The following SCNN1G variants were observed in gnomAD, a reference collection of about 807,000 sequenced individuals.
The protein encoded by SCNN1G is sodium channel epithelial 1 subunit gamma, also known as epithelial sodium channel subunit gamma.
Under a neutral mutation model 64.6 loss-of-function variants are expected in SCNN1G, and 27 were observed. The ratio of observed to expected loss-of-function variants is 0.42; its 90% CI spans 0.31 to 0.58. The LOEUF is 0.58. Among genes scored for constraint, SCNN1G ranks in the 20% least tolerant of loss-of-function variants. The pLI, the probability that SCNN1G is intolerant of heterozygous loss-of-function variation, is 0.18. For synonymous variants in SCNN1G, 330 were observed against 314.2 expected (o/e 1.05, Z -0.53); for missense variants, 743 against 823.4 (o/e 0.90, Z 1.19).
intron 11 of SCNN1G, among the ~76,000 whole-genome samples, chr16:23,213,833 A>C (rs1015438852): frequency 1.1e-4 from 17 of 152,252 alleles, no homozygotes; most frequent in African/African-American, 4.1e-4. Context: ...CACTCTAATG[A>C]GAAAATAGAC....
intron 6 of SCNN1G, among the ~76,000 whole-genome samples, chr16:23,203,144 AG>A (rs1447445416): frequency 2.0e-5 from 3 of 152,326 alleles, no homozygotes; most frequent in South Asian, 2.1e-4. Flanking sequence ...ATTTTACAGA[AG>A]GTGTGACCAA....
intron 2 of SCNN1G, among the ~76,000 whole-genome samples, chr16:23,189,007 C>T (rs1959659129): frequency 6.6e-6 from 1 of 152,078 alleles, no homozygotes; most frequent in Non-Finnish European, 1.5e-5. Context: ...AGGTAGACTC[C>T]TGGTTGGCAG....
Position 23,215,429 on chromosome 16 carries a change from C to T in SCNN1G, c.1910C>T (p.Ser637Phe), listed in dbSNP as rs1400293029. The T allele has an allele frequency of 1.2e-6, 2 of 1,613,198 alleles. No homozygotes were observed. The highest frequency in any genetic ancestry group is 8.5e-7 in the Non-Finnish European group (1 of 1,180,020). ...ACCTTGCGCTTGGAGAGGGCCTTTT[C>T]CAACCAGCTCACAGATACCCAGATG... is the stretch of plus-strand genomic sequence containing the variant. ...YNTLRLERAF[S>F]NQLTDTQMLD... Residue 637 changes from serine to phenylalanine, a missense_variant, in exon 13 of 13, where the codon TCC (serine) becomes TTC (phenylalanine). Ser to Phe is a radical substitution (Grantham distance 155). Coordinates refer to ENST00000300061, the MANE Select transcript of SCNN1G (RefSeq NM_001039.4).
rs564819217 is a variant in SCNN1G, at chr16:23,186,614, G to C, written c.317+26G>C. 4.3e-5 allele frequency: 69 copies of C among 1,598,118 alleles called. No individual in the cohort carries two copies. The South Asian group carries it at 6.3e-4, about 15-fold the overall frequency. ...GTAAGAGGCATGAGCAGGGAAACGC[G>C]AGTAGGGAGCCAGGCCCCCCACAGA... On this transcript the variant is annotated intron_variant, in intron 2 of 12. Transcript: ENST00000300061.
intron 7 of SCNN1G, among the ~76,000 whole-genome samples, chr16:23,210,639 G>A (rs3922902): frequency 0.21 from 32,205 of 152,054 alleles, 3,525 homozygotes; most frequent in African/African-American, 0.25. Flanking sequence ...GAGTCCATGA[G>A]AATCATCCCA....
chr16:23,204,380 C>A (rs1959957197), intron 6 of SCNN1G, among the ~76,000 whole-genome samples: 9 of 83,238 alleles, frequency 1.1e-4, no homozygotes, highest in Non-Finnish European at 1.7e-4. Context: ...GAGACTATTA[C>A]TATATATTTT....
intron 4 of SCNN1G, among the ~76,000 whole-genome samples, chr16:23,193,826 T>C (rs1555473766): frequency 6.6e-6 from 1 of 152,170 alleles, no homozygotes; most frequent in Non-Finnish European, 1.5e-5. Context: ...GATTATTTTC[T>C]AGGACTGAGA....
Position 23,187,863 on chromosome 16 carries a change from G to A in SCNN1G, c.317+1275G>A, listed in dbSNP as rs140867156. 6.6e-3 allele frequency among the ~76,000 whole-genome samples: 999 copies of A among 152,232 alleles called. 11 individuals carry two copies. Among genetic ancestry groups the A allele is most frequent in the Non-Finnish European group, 9.8e-3 (667 of 68,010 alleles). On this transcript the variant is annotated intron_variant, in intron 2 of 12. Transcript: ENST00000300061. ...GCAGACTTTGTCAGAGCAGGGGTGG[G>A]GAGAAGGGAAGAAGAACAGGGGAGA...
At chr16:23,186,011 A>C (rs1410739270) in intron 1 of SCNN1G, among the ~76,000 whole-genome samples, 1 of 152,218 alleles carries the variant, frequency 6.6e-6, no homozygotes, top group East Asian at 1.9e-4. Context: ...CCGTAAGAGA[A>C]GTAGGCAGCT....
intron 7 of SCNN1G, 29 bp downstream of exon 7, chr16:23,209,877 TGG>T: frequency 6.6e-7 from 1 of 1,510,982 alleles, no homozygotes; most frequent in Non-Finnish European, 9.2e-7. Context: ...CACCCAGCCC[TGG>T]GTTTATGGCC....
chr16:23,186,251 C>G lies in SCNN1G; in HGVS notation c.-21C>G. The G allele has an allele frequency of 6.2e-7, 1 of 1,613,902 alleles. No individual in the cohort carries two copies. The highest frequency in any genetic ancestry group is 8.5e-7 in the Non-Finnish European group (1 of 1,179,812). On this transcript the variant is annotated 5_prime_UTR_variant, in exon 2 of 13. Coordinates refer to ENST00000300061, the MANE Select transcript of SCNN1G (RefSeq NM_001039.4). ...AGCACGCCCGTCCTCAGAGTCCCGT[C>G]CTCAAAGTCCCATCCTCGCCATGGC...
Position 23,212,726 on chromosome 16 carries a change from G to A in SCNN1G, c.1343G>A (p.Gly448Asp). The A allele has an allele frequency of 1.2e-6, 2 of 1,614,088 alleles. No homozygotes were observed. Among genetic ancestry groups the A allele is most frequent in the Non-Finnish European group, 1.7e-6 (2 of 1,180,018 alleles). ...CGAGCCTTTGTCCAGGAAGAGCTGG[G>A]CTGCCAGTCTGTGTGCAAGGAAGCC... ...LHRAFVQEEL[G>D]CQSVCKEACS... The change falls in exon 9 of 13, where the codon GGC (glycine) becomes GAC (aspartate). Residue 448 changes from glycine to aspartate, a missense_variant. Physicochemically the swap from Gly to Asp is moderately conservative, Grantham distance 94. Coordinates refer to ENST00000300061, the MANE Select transcript of SCNN1G (RefSeq NM_001039.4).
chr16:23,186,924 G>T (rs191910358), intron 2 of SCNN1G, among the ~76,000 whole-genome samples: 1 of 151,750 alleles, frequency 6.6e-6, no homozygotes, highest in South Asian at 2.1e-4. Context: ...CAATCCTCCC[G>T]AGTAGCTGGG....
Position 23,194,274 on chromosome 16 carries a change from G to GGTAA in SCNN1G, c.913+2_913+5dup, listed in dbSNP as rs772227366. 14 of 1,597,980 alleles carry GGTAA rather than the reference G, an allele frequency of 8.8e-6. No homozygotes were observed. In the Admixed American group the frequency reaches 2.3e-4, roughly 27 times the overall value. On this transcript the variant is annotated frameshift_variant and splice_region_variant. Coordinates refer to ENST00000300061, the MANE Select transcript of SCNN1G (RefSeq NM_001039.4). LOFTEE classifies it high-confidence loss of function. ...CACCTCCATGGGGGGCAGCGAATAT[G>GGTAA]GTAAGGAAACCTGTGCCAAGGAGAT...
chr16:23,189,600 G>T lies in SCNN1G; in HGVS notation c.547G>T (p.Gly183Cys). The T allele has an allele frequency of 6.2e-7, 1 of 1,614,198 alleles. No homozygotes were observed. Among genetic ancestry groups the T allele is most frequent in the Non-Finnish European group, 8.5e-7 (1 of 1,180,032 alleles). The stretch of plus-strand genomic sequence containing the variant: ...CTTCACAGGGAGGAAGCGGAAAGTC[G>T]GCGGTAGCATCATTCACAAGGCTTC... ...DFFTGRKRKVGGSIIHKASNV... is the reference protein window; with the variant it reads ...DFFTGRKRKVCGSIIHKASNV... Residue 183 changes from glycine to cysteine, a missense_variant, in exon 3 of 13, where the codon GGC (glycine) becomes TGC (cysteine). By Grantham distance (159) the Gly-to-Cys change is radical. Coordinates refer to ENST00000300061, the MANE Select transcript of SCNN1G (RefSeq NM_001039.4).
chr16:23,192,294 T>G, intron 3 of SCNN1G, 58 bp from the exon 4 acceptor site: 1 of 1,371,892 alleles, frequency 7.3e-7, no homozygotes, highest in Non-Finnish European at 1.0e-6. Flanking sequence ...CTTATGGTCC[T>G]TCTGAAGAGT....
intron 12 of SCNN1G, 146 bp downstream of exon 12, chr16:23,214,933 C>T (rs957255260): frequency 4.5e-6 from 5 of 1,115,398 alleles, no homozygotes; most frequent in Non-Finnish European, 6.7e-6. Context: ...GGTCGGAATG[C>T]ACAGAGTAAG....
chr16:23,186,800 T>G (rs935305202), intron 2 of SCNN1G, among the ~76,000 whole-genome samples: 1 of 152,114 alleles, frequency 6.6e-6, no homozygotes, highest in Non-Finnish European at 1.5e-5. Context: ...ATCAGTGACT[T>G]GTTTTTTTTC....
intron 5 of SCNN1G, among the ~76,000 whole-genome samples, chr16:23,195,447 A>G (rs1489459303): frequency 6.6e-6 from 1 of 152,194 alleles, no homozygotes; most frequent in African/African-American, 2.4e-5. Context: ...TCCCATGCAA[A>G]TTGAAAATGA....
Sources: gnomAD v4.1 joint callset for allele counts (sites outside exome capture counted in the v4.1 genomes callset) on GRCh38, gnomAD v4.1.1 for gene constraint, MANE v1.5 for transcripts, NCBI Gene and HGNC (gene_info 2026-07-23, HGNC 2026-07-21) for gene names.